The following CACNA2D4 variants were observed in gnomAD, a reference collection of about 807,000 sequenced individuals.
CACNA2D4 encodes the protein calcium voltage-gated channel auxiliary subunit alpha2delta 4, also known as voltage-dependent calcium channel subunit alpha-2/delta-4.
A neutral mutation model predicts 163.8 loss-of-function variants in CACNA2D4; 157 were observed. The observed-to-expected ratio is 0.96, with a 90% CI of 0.84 to 1.09. The LOEUF is 1.09. Ranked by LOEUF, CACNA2D4 falls within the 50% of genes least tolerant of loss-of-function variation. The pLI, the probability that CACNA2D4 is intolerant of heterozygous loss-of-function variation, is 0.00. For synonymous variants in CACNA2D4, 598 were observed against 586.9 expected (o/e 1.02, Z -0.27); for missense variants, 1,410 against 1,479.9 (o/e 0.95, Z 0.78).
intron 6 of CACNA2D4, among the ~76,000 whole-genome samples, chr12:1,889,660 G>C (rs916006403): frequency 6.6e-6 from 1 of 152,034 alleles, no homozygotes; most frequent in African/African-American, 2.4e-5. Flanking sequence ...AAATATGCCT[G>C]ATAAGACTTC....
intron 16 of CACNA2D4, among the ~76,000 whole-genome samples, chr12:1,876,563 G>A (rs1363644527): frequency 6.6e-6 from 1 of 152,212 alleles, no homozygotes; most frequent in Non-Finnish European, 1.5e-5. Context: ...CAGATGCCTG[G>A]ACAGCTCCGG....
At chr12:1,825,626 A>G (rs576638659) in intron 26 of CACNA2D4, among the ~76,000 whole-genome samples, 1 of 152,316 alleles carries the variant, frequency 6.6e-6, no homozygotes, top group East Asian at 1.9e-4. Context: ...ATGTGGGCAC[A>G]TGTATGTTAG....
In CACNA2D4 at chr12:1,793,729, C is replaced by T. The variant is rs754839022; in HGVS notation, c.3340G>A (p.Asp1114Asn). Residue 1114 changes from aspartate (D) to asparagine (N), a missense_variant, in exon 38 of 38, where the codon GAC (aspartate) becomes AAC (asparagine). Asp to Asn is a conservative substitution (Grantham distance 23, BLOSUM62 1). Coordinates refer to ENST00000382722, the MANE Select transcript of CACNA2D4 (RefSeq NM_172364.5). ...ENAQDCGGAS[D>N]TSASPPLLLL... ...AGTAGGGGCGGCGAGGCTGAGGTGT[C>T]CGAGGCGCCGCCGCAGTCCTGGGCA... The T allele has an allele frequency of 1.9e-6, 3 of 1,613,316 alleles. No homozygotes were observed. The highest frequency in any genetic ancestry group is 2.5e-6 in the Non-Finnish European group (3 of 1,179,892).
chr12:1,884,561 C>A (rs1340860507), intron 11 of CACNA2D4, among the ~76,000 whole-genome samples: 2 of 152,062 alleles, frequency 1.3e-5, no homozygotes, highest in Admixed American at 6.6e-5. Flanking sequence ...TATTCTGGTC[C>A]CTTACCCCAA....
intron 6 of CACNA2D4, among the ~76,000 whole-genome samples, chr12:1,887,930 C>T (rs566455911): frequency 1.3e-5 from 2 of 152,310 alleles, no homozygotes; most frequent in Non-Finnish European, 2.9e-5. Context: ...AGATGACATA[C>T]ACCCTTTGAG....
chr12:1,878,540 G>A lies in CACNA2D4; in HGVS notation c.1645-151C>T. The A allele has an allele frequency of 7.1e-7, 1 of 1,414,734 alleles. No individual in the cohort carries two copies. The allele number at this position is 1,414,734 out of a possible 1,614,324, so 87.6% of individuals were successfully genotyped here. A position where few individuals can be genotyped will look rare whatever the true frequency, so the allele number is the denominator to read the frequency against. On this transcript the variant is annotated intron_variant, in intron 15 of 37. Transcript: ENST00000382722. This position sits in a 1 kb window ranked among gnomAD's most constrained non-coding sequence, Gnocchi z 4.6. The stretch of plus-strand genomic sequence containing the variant: ...AGGAACGTAACTGAGCCAGTGCCAT[G>A]CTTCCATCATTGATTGAGGAGTCCT...
In CACNA2D4 at chr12:1,844,049, C is replaced by A. The variant is rs977598717; in HGVS notation, c.2470+353G>T. 3.3e-5 allele frequency among the ~76,000 whole-genome samples: 5 copies of A among 152,156 alleles called. No homozygotes were observed. The highest frequency in any genetic ancestry group is 4.8e-5 in the African/African-American group (2 of 41,426). ...CCACCCGTCTGGGTGGTTTATGAAGCTTTCACAGACATGCAGGATAAATAG... is the reference window on the plus strand; with the variant it reads ...CCACCCGTCTGGGTGGTTTATGAAGATTTCACAGACATGCAGGATAAATAG... On this transcript the variant is annotated intron_variant, in intron 25 of 37. Coordinates refer to ENST00000382722, the MANE Select transcript of CACNA2D4 (RefSeq NM_172364.5). The surrounding 1 kb of genome is among the most constrained non-coding windows in gnomAD (Gnocchi z 4.2).
chr12:1,887,696 TA>T (rs1318800176), intron 6 of CACNA2D4, among the ~76,000 whole-genome samples: 1 of 152,156 alleles, frequency 6.6e-6, no homozygotes, highest in Non-Finnish European at 1.5e-5. Context: ...ATCCACCTAA[TA>T]AAAAAATTTG....
chr12:1,894,947 A>C (rs1173552747), intron 6 of CACNA2D4, among the ~76,000 whole-genome samples: 1 of 152,094 alleles, frequency 6.6e-6, no homozygotes, highest in East Asian at 1.9e-4. Flanking sequence ...AAGTCAAACT[A>C]CTCTTCTTTG....
intron 3 of CACNA2D4, 100 bp downstream of exon 3, chr12:1,912,923 G>C: frequency 1.4e-6 from 1 of 712,552 alleles, no homozygotes; most frequent in Non-Finnish European, 2.5e-6. Flanking sequence ...AGAGGGTCAC[G>C]AGGGGGGAGG....
chr12:1,797,951 T>C (rs1384590342), intron 34 of CACNA2D4, among the ~76,000 whole-genome samples: 1 of 152,050 alleles, frequency 6.6e-6, no homozygotes, highest in Non-Finnish European at 1.5e-5. Flanking sequence ...CCCTTCACTG[T>C]GGACAGACGC....
At chr12:1,796,686 G>A (rs540241229) in intron 35 of CACNA2D4, among the ~76,000 whole-genome samples, 2 of 152,328 alleles carry the variant, frequency 1.3e-5, no homozygotes, top group East Asian at 1.9e-4. Context: ...TGCCAGCGCC[G>A]CAGGTGCCGC....
chr12:1,818,499 G>A (rs907407560), intron 26 of CACNA2D4, among the ~76,000 whole-genome samples: 3 of 151,936 alleles, frequency 2.0e-5, no homozygotes, highest in East Asian at 3.9e-4. Flanking sequence ...TGAAACATGT[G>A]CTGTGTCCAC....
chr12:1,884,061 T>C (rs1334653106), intron 12 of CACNA2D4, 182 bp downstream of exon 12: 1 of 574,758 alleles, frequency 1.7e-6, no homozygotes, highest in Non-Finnish European at 3.1e-6. Context: ...GAGACAGAGC[T>C]GACATTGTCT....
chr12:1,881,270 T>G (rs992732976), intron 13 of CACNA2D4, among the ~76,000 whole-genome samples: 5 of 152,186 alleles, frequency 3.3e-5, no homozygotes, highest in African/African-American at 1.2e-4. Context: ...CGTCAGAAGG[T>G]CAGGCTGTCC....
chr12:1,892,435 CA>C (rs1164413673), intron 6 of CACNA2D4, among the ~76,000 whole-genome samples: 1 of 152,114 alleles, frequency 6.6e-6, no homozygotes, highest in Non-Finnish European at 1.5e-5. Flanking sequence ...AAAGAAAGGA[CA>C]ATATCTACCA....
At position 1,818,096 on chromosome 12, in the gene CACNA2D4, G is replaced by A. The variant is rs1323930216; in HGVS notation, c.2552-6373C>T. On this transcript the variant is annotated intron_variant, in intron 26 of 37. Coordinates refer to ENST00000382722, the MANE Select transcript of CACNA2D4 (RefSeq NM_172364.5). ...ATGTGGGGAGCGCCTCTGCCCCACCGCCCCGTCTGGGATGTGAGGAGCGTC... is the reference window on the plus strand; with the variant it reads ...ATGTGGGGAGCGCCTCTGCCCCACCACCCCGTCTGGGATGTGAGGAGCGTC... Among the ~76,000 whole-genome samples, 82 of 147,642 alleles carry A rather than the reference G, an allele frequency of 5.6e-4. 2 individuals are homozygous for A. The highest frequency in any genetic ancestry group is 1.8e-3 in the African/African-American group (70 of 39,204).
chr12:1,796,692 G>A (rs1207073106), intron 35 of CACNA2D4, among the ~76,000 whole-genome samples: 1 of 152,224 alleles, frequency 6.6e-6, no homozygotes, highest in Non-Finnish European at 1.5e-5. Flanking sequence ...CGCCGCAGGT[G>A]CCGCACTGTT....
intron 4 of CACNA2D4, among the ~76,000 whole-genome samples, chr12:1,908,536 G>A (rs948635683): frequency 6.6e-6 from 1 of 152,108 alleles, no homozygotes; most frequent in African/African-American, 2.4e-5. Context: ...GGGCGTGCTA[G>A]GATTGCCTCC....
Sources: allele counts gnomAD v4.1 joint callset (sites outside exome capture counted in the v4.1 genomes callset), GRCh38; gene constraint gnomAD v4.1.1; non-coding constraint Gnocchi (gnomAD v3.1); transcripts MANE v1.5; gene names NCBI Gene and HGNC (gene_info 2026-07-23, HGNC 2026-07-21).